CCDC148: variants seen among roughly 807,000 people sequenced by gnomAD.
CCDC148 encodes the protein coiled-coil domain containing 148, also known as coiled-coil domain-containing protein 148.
CCDC148 carries 89 observed loss-of-function variants against 85.7 expected under a neutral mutation model. That is an observed-to-expected ratio of 1.04 (90% CI 0.87 to 1.24). CCDC148 has a LOEUF of 1.24. Among genes scored for constraint, CCDC148 ranks in the 50% most tolerant of loss-of-function variants. The pLI is 0.00. For synonymous variants in CCDC148, 230 were observed against 213.9 expected, an observed-to-expected ratio of 1.08 and a Z score of -0.66; for missense variants, 692 against 671.7, an observed-to-expected ratio of 1.03 and a Z score of -0.33.
chr2:158,421,882 C>A (rs9636350), intron 1 of CCDC148, among the ~76,000 whole-genome samples: 54,496 of 151,512 alleles, frequency 0.36, 11,120 homozygotes, highest in East Asian at 0.61. Flanking sequence ...ATCAAATAGA[C>A]GCAATAAAAA....
rs764106094 is a variant in CCDC148 at position 158,309,459 on chromosome 2, C to A, written c.1084G>T (p.Glu362Ter). The A allele has an allele frequency of 1.2e-6, 2 of 1,614,102 alleles. No individual in the cohort carries two copies. Among genetic ancestry groups the A allele is most frequent in the Non-Finnish European group, 8.5e-7 (1 of 1,179,984 alleles). Residue 362 changes from glutamate (E) to a stop codon, truncating the protein, a stop_gained, in exon 9 of 14, where the codon GAA (glutamate) becomes TAA (stop). Coordinates refer to ENST00000283233, the MANE Select transcript of CCDC148 (RefSeq NM_138803.4). LOFTEE classifies it high-confidence loss of function. ...MLAKDKKKQQ[E>*]LCADLKAKVR... The stretch of plus-strand genomic sequence containing the variant: ...TTGGCTTTCAGATCAGCACACAATT[C>A]CTGTTGCTTTTTCTTGTCCTTAGCC...
chr2:158,396,333 T>C (rs1169045275), intron 1 of CCDC148, among the ~76,000 whole-genome samples: 2 of 152,248 alleles, frequency 1.3e-5, no homozygotes, highest in East Asian at 1.9e-4. Context: ...TTTTTTTAGA[T>C]AGGACATATG....
intron 11 of CCDC148, among the ~76,000 whole-genome samples, chr2:158,183,511 G>A (rs1261872374): frequency 1.3e-5 from 2 of 151,938 alleles, no homozygotes; most frequent in Non-Finnish European, 2.9e-5. Flanking sequence ...GCCACCAAGG[G>A]GGAAAAAGAC....
At chr2:158,205,380 G>A (rs967774143) in intron 11 of CCDC148, among the ~76,000 whole-genome samples, 1 of 152,116 alleles carries the variant, frequency 6.6e-6, no homozygotes, top group Non-Finnish European at 1.5e-5. Context: ...CTCTATCTGA[G>A]GCATGGAAAA....
chr2:158,271,296 A>G (rs1375892150), intron 9 of CCDC148, among the ~76,000 whole-genome samples: 1 of 152,188 alleles, frequency 6.6e-6, no homozygotes, highest in Non-Finnish European at 1.5e-5. Flanking sequence ...CCCCTTATCT[A>G]TGGTTTCACT....
chr2:158,180,157 C>T (rs1425293579), intron 11 of CCDC148, among the ~76,000 whole-genome samples: 1 of 152,100 alleles, frequency 6.6e-6, no homozygotes, highest in Admixed American at 6.5e-5. Flanking sequence ...TCACAAATGT[C>T]CTTTACCCTT....
chr2:158,337,695 T>A (rs1416832727), intron 7 of CCDC148, among the ~76,000 whole-genome samples: 2 of 152,062 alleles, frequency 1.3e-5, no homozygotes, highest in African/African-American at 2.4e-5. Context: ...GGGTCCAACT[T>A]CAGGTAGAAT....
At chr2:158,320,162 AT>A (rs1481174856) in intron 7 of CCDC148, among the ~76,000 whole-genome samples, 2 of 152,182 alleles carry the variant, frequency 1.3e-5, no homozygotes, top group Admixed American at 1.3e-4. Flanking sequence ...TATGAGGAAA[AT>A]TTTAATTAGC....
At chr2:158,206,862 A>G (rs1574400700) in intron 11 of CCDC148, among the ~76,000 whole-genome samples, 1 of 152,112 alleles carries the variant, frequency 6.6e-6, no homozygotes, top group Admixed American at 6.5e-5. Flanking sequence ...TTCCCCAGCA[A>G]CCTGCCACTT....
chr2:158,241,200 T>C (rs1688338141), intron 10 of CCDC148, among the ~76,000 whole-genome samples: 1 of 152,228 alleles, frequency 6.6e-6, no homozygotes, highest in East Asian at 1.9e-4. Context: ...TACACATGCA[T>C]ATACATATAT....
At chr2:158,202,854 A>G (rs570209990) in intron 11 of CCDC148, among the ~76,000 whole-genome samples, 1 of 152,372 alleles carries the variant, frequency 6.6e-6, no homozygotes, top group Non-Finnish European at 1.5e-5. Flanking sequence ...CCAGAGAACA[A>G]AAGGGAAAAC....
intron 1 of CCDC148, among the ~76,000 whole-genome samples, chr2:158,399,254 A>T (rs1436316668): frequency 6.6e-6 from 1 of 152,154 alleles, no homozygotes; most frequent in African/African-American, 2.4e-5. Flanking sequence ...AAAAGAGGGA[A>T]TCCTCCCTAA....
At chr2:158,439,907 C>G (rs1687857646) in intron 1 of CCDC148, among the ~76,000 whole-genome samples, 1 of 152,106 alleles carries the variant, frequency 6.6e-6, no homozygotes, top group Admixed American at 6.6e-5. Context: ...GTTGTGCAGG[C>G]TGGAGTGCAG....
intron 9 of CCDC148, chr2:158,288,761 A>C (rs778978683): frequency 7.4e-6 from 3 of 404,526 alleles, no homozygotes; most frequent in South Asian, 5.5e-5. Context: ...GTATCTTTTC[A>C]GCAACACTTC....
At chr2:158,382,599 G>T (rs1049826176) in intron 1 of CCDC148, among the ~76,000 whole-genome samples, 2 of 152,036 alleles carry the variant, frequency 1.3e-5, no homozygotes, top group Admixed American at 6.6e-5. Flanking sequence ...TTGAATAGAA[G>T]TGTTAAGATA....
At chr2:158,372,215 C>T (rs911050037) in intron 1 of CCDC148, among the ~76,000 whole-genome samples, 2 of 151,930 alleles carry the variant, frequency 1.3e-5, no homozygotes, top group Non-Finnish European at 2.9e-5. Flanking sequence ...GTATATGCTA[C>T]ATAAAAATGG....
intron 2 of CCDC148, among the ~76,000 whole-genome samples, chr2:158,347,498 T>C (rs917100099): frequency 1.3e-5 from 2 of 152,138 alleles, no homozygotes; most frequent in African/African-American, 2.4e-5. Context: ...GTTCTATCTT[T>C]AACAACAGAG....
At chr2:158,381,966 T>C (rs997439731) in intron 1 of CCDC148, among the ~76,000 whole-genome samples, 4 of 152,162 alleles carry the variant, frequency 2.6e-5, no homozygotes, top group African/African-American at 9.7e-5. Context: ...AACGTGTCTG[T>C]ATTAAGAGTT....
intron 5 of CCDC148, 70 bp downstream of exon 5, chr2:158,340,172 T>C: frequency 7.1e-7 from 1 of 1,406,568 alleles, no homozygotes; most frequent in Non-Finnish European, 9.8e-7. Context: ...GTTTGTTTCT[T>C]ATCTCAAACT....
Sources: allele counts gnomAD v4.1 joint callset (sites outside exome capture counted in the v4.1 genomes callset), GRCh38; gene constraint gnomAD v4.1.1; transcripts MANE v1.5; gene names NCBI Gene and HGNC (gene_info 2026-07-23, HGNC 2026-07-21).